Variants in BRAF observed in about 807,000 individuals in gnomAD.
BRAF encodes the protein B-Raf proto-oncogene, serine/threonine kinase.
BRAF carries 16 observed loss-of-function variants against 104.6 expected under a neutral mutation model. That is an observed-to-expected ratio of 0.15 (90% CI 0.10 to 0.23). BRAF has a LOEUF of 0.23. Among genes scored for constraint, BRAF ranks in the 10% least tolerant of loss-of-function variants. The pLI, the probability that BRAF is intolerant of heterozygous loss-of-function variation, is 1.00. For missense variants in BRAF, 541 were observed against 937.3 expected, an observed-to-expected ratio of 0.58 and a Z score of 5.52; for synonymous variants, 310 against 341.6, an observed-to-expected ratio of 0.91 and a Z score of 1.02.
chr7:140,777,396 T>G (rs780676721), intron 13 of BRAF, among the ~76,000 whole-genome samples: 2 of 152,194 alleles, frequency 1.3e-5, no homozygotes, highest in Non-Finnish European at 2.9e-5. Flanking sequence ...GGTTCTGGTA[T>G]TATAAAGTTT....
chr7:140,801,635 T>G, intron 5 of BRAF, 75 bp from the exon 6 acceptor site: 1 of 1,433,548 alleles, frequency 7.0e-7, no homozygotes, highest in South Asian at 1.2e-5. Flanking sequence ...TCTACTCTCT[T>G]GTTTAAAATA....
chr7:140,843,957 C>G (rs1359730641), intron 2 of BRAF, among the ~76,000 whole-genome samples: 1 of 151,896 alleles, frequency 6.6e-6, no homozygotes, highest in Non-Finnish European at 1.5e-5. Flanking sequence ...TGAAGTGAGC[C>G]GAGATCGCAC....
At chr7:140,779,611 C>A (rs1800658065) in intron 12 of BRAF, among the ~76,000 whole-genome samples, 1 of 152,124 alleles carries the variant, frequency 6.6e-6, no homozygotes, top group African/African-American at 2.4e-5. Flanking sequence ...GATTTTGGAG[C>A]ATTTCGGGTT....
intron 14 of BRAF, among the ~76,000 whole-genome samples, chr7:140,768,622 T>C (rs1200857009): frequency 6.6e-6 from 1 of 151,836 alleles, no homozygotes; most frequent in East Asian, 1.9e-4. Flanking sequence ...GCCTCCAGAG[T>C]ATCTGGGGCT....
At chr7:140,895,551 C>T (rs1404288273) in intron 1 of BRAF, among the ~76,000 whole-genome samples, 3 of 152,106 alleles carry the variant, frequency 2.0e-5, no homozygotes, top group African/African-American at 7.2e-5. Flanking sequence ...ATTTTGTATC[C>T]ATGAATAAAT....
chr7:140,818,733 T>C (rs1805154975), intron 3 of BRAF, among the ~76,000 whole-genome samples: 1 of 152,218 alleles, frequency 6.6e-6, no homozygotes, highest in African/African-American at 2.4e-5. Flanking sequence ...ATCTTTACAA[T>C]ACTATATACA....
intron 1 of BRAF, among the ~76,000 whole-genome samples, chr7:140,919,261 G>A (rs1344937033): frequency 1.3e-5 from 2 of 151,978 alleles, no homozygotes; most frequent in Admixed American, 6.6e-5. Context: ...TGTCCCAAAC[G>A]TGCTGTCAGG....
chr7:140,744,006 A>G (rs1797150161), intron 17 of BRAF, among the ~76,000 whole-genome samples: 1 of 152,252 alleles, frequency 6.6e-6, no homozygotes, highest in Non-Finnish European at 1.5e-5. Context: ...AGTATGTGGT[A>G]AAGAATTAAC....
At chr7:140,870,485 A>G (rs956656117) in intron 1 of BRAF, among the ~76,000 whole-genome samples, 1 of 152,206 alleles carries the variant, frequency 6.6e-6, no homozygotes, top group South Asian at 2.1e-4. Context: ...AATAGATCTT[A>G]TCTCTTCATA....
chr7:140,785,312 C>T (rs1295359650), intron 10 of BRAF, among the ~76,000 whole-genome samples: 2 of 152,094 alleles, frequency 1.3e-5, no homozygotes, highest in Non-Finnish European at 2.9e-5. Context: ...ATTAAGTCAT[C>T]AAGAATAATC....
chr7:140,810,141 A>G (rs540779147), intron 3 of BRAF, among the ~76,000 whole-genome samples: 60 of 152,270 alleles, frequency 3.9e-4, no homozygotes, highest in African/African-American at 1.3e-3. Context: ...GCTAGAGGGG[A>G]AAAAAAGGGG....
In BRAF at chr7:140,739,796, T is replaced by C. The variant is rs748847875; in HGVS notation, c.2247+16A>G. ...TGTTAGTCTGTTCTTTTGGATAGCATGAAGCTTTTACTTACTTGGGGAAAG... is the reference window on the plus strand; with the variant it reads ...TGTTAGTCTGTTCTTTTGGATAGCACGAAGCTTTTACTTACTTGGGGAAAG... On this transcript the variant is annotated intron_variant, in intron 18 of 19. Transcript: ENST00000644969. The C allele has an allele frequency of 1.2e-6, 2 of 1,611,822 alleles. No homozygotes were observed. Among genetic ancestry groups the C allele is most frequent in the South Asian group, 1.1e-5 (1 of 90,994 alleles).
intron 1 of BRAF, among the ~76,000 whole-genome samples, chr7:140,855,526 T>C (rs747944722): frequency 1.3e-5 from 2 of 149,166 alleles, no homozygotes; most frequent in African/African-American, 5.1e-5. Context: ...CAAACTGCTA[T>C]GGAAGGACAT....
At chr7:140,893,768 AAAG>A (rs1341017609) in intron 1 of BRAF, among the ~76,000 whole-genome samples, 1 of 152,210 alleles carries the variant, frequency 6.6e-6, no homozygotes, top group Non-Finnish European at 1.5e-5. Context: ...CAAGGAAACA[AAAG>A]AAGTCTCTGA....
chr7:140,799,183 G>T, intron 7 of BRAF: 1 of 216,940 alleles, frequency 4.6e-6, no homozygotes, highest in Non-Finnish European at 9.3e-6. Context: ...TCACTTCTCA[G>T]CTTTATCCTC....
intron 1 of BRAF, among the ~76,000 whole-genome samples, chr7:140,919,830 GT>G (rs71522121): frequency 2.0e-5 from 3 of 148,274 alleles, no homozygotes; most frequent in East Asian, 3.9e-4. Context: ...AAGTTTTTTT[GT>G]TTTTTTTTTG....
chr7:140,793,221 T>C (rs976738485), intron 8 of BRAF, among the ~76,000 whole-genome samples: 2 of 152,188 alleles, frequency 1.3e-5, no homozygotes, highest in African/African-American at 4.8e-5. Context: ...AAAAGGATGA[T>C]AGTTTTCAAA....
rs148650994 is a variant in BRAF at position 140,800,988 on chromosome 7, T to C, written c.860+424A>G. 269 of 205,966 alleles carry C rather than the reference T, an allele frequency of 1.3e-3. 2 individuals are homozygous for C. Among genetic ancestry groups the C allele is most frequent in the African/African-American group, 4.9e-3 (206 of 41,994 alleles). 12.8% of individuals were successfully genotyped at this position (205,966 alleles called of 1,614,324 possible). A position where few individuals can be genotyped will look rare whatever the true frequency, so the allele number is the denominator to read the frequency against. ...AAATTTTACATCTTACTCAAATAAA[T>C]TGGGGGAAGGGAGCTGAATGGGGAT... On this transcript the variant is annotated intron_variant, in intron 6 of 19. Coordinates refer to ENST00000644969, the MANE Select transcript of BRAF (RefSeq NM_001374258.1).
chr7:140,867,083 T>TA (rs1301424478), intron 1 of BRAF, among the ~76,000 whole-genome samples: 2 of 152,170 alleles, frequency 1.3e-5, no homozygotes, highest in Non-Finnish European at 2.9e-5. Context: ...AAGTAGGTGA[T>TA]AAAAAATATT....
Sources: allele counts gnomAD v4.1 joint callset (sites outside exome capture counted in the v4.1 genomes callset), GRCh38; gene constraint gnomAD v4.1.1; transcripts MANE v1.5; gene names NCBI Gene and HGNC (gene_info 2026-07-23, HGNC 2026-07-21).